The following CMTR1 variants were observed in gnomAD, a reference collection of about 807,000 sequenced individuals.
CMTR1 encodes the protein cap-specific mRNA (nucleoside-2'-O-)-methyltransferase 1.
Under a neutral mutation model 107.0 loss-of-function variants are expected in CMTR1, and 39 were observed. The ratio of observed to expected loss-of-function variants is 0.36; its 90% CI spans 0.28 to 0.48. CMTR1 has a LOEUF of 0.48. Ranked by LOEUF, CMTR1 falls within the 20% of genes least tolerant of loss-of-function variation. The probability of loss-of-function intolerance (pLI) is 0.99; values close to 1 mark genes in which losing one functional copy is unlikely to be tolerated. For synonymous variants in CMTR1, 366 were observed against 379.5 expected (o/e 0.96, Z 0.41); for missense variants, 672 against 1,064.9 (o/e 0.63, Z 5.14).
chr6:37,449,289 T>TTATGTTATGC (rs2113871009), intron 4 of CMTR1, among the ~76,000 whole-genome samples: 1 of 151,734 alleles, frequency 6.6e-6, no homozygotes, highest in African/African-American at 2.4e-5. Context: ...TTATGTTATG[T>TTATGTTATGC]TATGTTATGT....
At chr6:37,428,048 GA>G in the CMTR1 span, among the ~76,000 whole-genome samples, 8 of 133,276 alleles carry the variant, frequency 6.0e-5, no homozygotes, top group African/African-American at 1.8e-4. Flanking sequence ...GAGAGAGAGA[GA>G]GAGAGAGAGA....
At chr6:37,459,536 G>A in intron 9 of CMTR1, 30 bp from the exon 10 acceptor site, 1 of 1,584,724 alleles carries the variant, frequency 6.3e-7, no homozygotes, top group East Asian at 2.2e-5. Flanking sequence ...TAGGGCAGAT[G>A]AACTCACTAT....
intron 2 of CMTR1, among the ~76,000 whole-genome samples, chr6:37,443,615 C>G (rs944057418): frequency 7.9e-5 from 12 of 152,180 alleles, no homozygotes; most frequent in Admixed American, 1.3e-4. Context: ...TCAGCGTCCT[C>G]CTGGAGTACT....
At chr6:37,432,045 T>C (rs1771390842), upstream of CMTR1, among the ~76,000 whole-genome samples, 1 of 152,192 alleles carries the variant, frequency 6.6e-6, no homozygotes, top group Non-Finnish European at 1.5e-5. Context: ...CTCGAACTCC[T>C]GACCTCAGGT....
intron 4 of CMTR1, among the ~76,000 whole-genome samples, chr6:37,448,433 T>A (rs1771856737): frequency 6.6e-6 from 1 of 152,084 alleles, no homozygotes. Flanking sequence ...GGACATTGAG[T>A]CTGCTTTTTC....
In CMTR1 at chr6:37,458,094, G is replaced by A. The variant is rs1362961999; in HGVS notation, c.778-518G>A. Among the ~76,000 whole-genome samples, 7 of 151,856 alleles carry A rather than the reference G, an allele frequency of 4.6e-5. No homozygotes were observed. Among genetic ancestry groups the A allele is most frequent in the Non-Finnish European group, 7.4e-5 (5 of 67,974 alleles). On this transcript the variant is annotated intron_variant, in intron 8 of 23. Transcript: ENST00000373451. This position sits in a 1 kb window ranked among gnomAD's most constrained non-coding sequence, Gnocchi z 4.7. ...TGTTGAGACAGGGTCTCGGTCTGTCGCCCAGGCTCAAGTGCAGTGGCGCGA... is the reference window on the plus strand; with the variant it reads ...TGTTGAGACAGGGTCTCGGTCTGTCACCCAGGCTCAAGTGCAGTGGCGCGA...
chr6:37,445,174 G>T (rs984724805), intron 3 of CMTR1, among the ~76,000 whole-genome samples: 1 of 152,212 alleles, frequency 6.6e-6, no homozygotes, highest in Non-Finnish European at 1.5e-5. Context: ...AGATGGGAAG[G>T]CTTGTGACTC....
chr6:37,470,971 A>C (rs772455889), intron 13 of CMTR1, 50 bp from the exon 14 acceptor site: 2 of 1,490,950 alleles, frequency 1.3e-6, no homozygotes, highest in Non-Finnish European at 9.1e-7. Flanking sequence ...GATGTCAGTT[A>C]CCTGTCTTTT....
chr6:37,458,919 C>T lies in CMTR1; in HGVS notation c.976+109C>T. The T allele has an allele frequency of 1.0e-6, 1 of 995,406 alleles. No individual in the cohort carries two copies. The highest frequency in any genetic ancestry group is 1.5e-6 in the Non-Finnish European group (1 of 672,338). The allele number at this position is 995,406 out of a possible 1,614,324, so 61.7% of individuals were successfully genotyped here. Reference sequence around the variant, plus strand: ...ATGCCATATTTTCTTTCCTAGGTCTCTTACCCTGGGCTTCACAGTTCATGT... The same window carrying T: ...ATGCCATATTTTCTTTCCTAGGTCTTTTACCCTGGGCTTCACAGTTCATGT... On this transcript the variant is annotated intron_variant, in intron 9 of 23. Coordinates refer to ENST00000373451, the MANE Select transcript of CMTR1 (RefSeq NM_015050.3). This position sits in a 1 kb window ranked among gnomAD's most constrained non-coding sequence, Gnocchi z 4.7.
intron 1 of CMTR1, 30 bp from the exon 2 acceptor site, chr6:37,435,594 G>A (rs376681925): frequency 1.1e-5 from 18 of 1,587,482 alleles, no homozygotes; most frequent in Non-Finnish European, 1.5e-5. Context: ...TGACCCAAGG[G>A]CAGCTGACTG....
At chr6:37,462,211 C>A in intron 12 of CMTR1, 109 bp downstream of exon 12, 2 of 1,347,984 alleles carry the variant, frequency 1.5e-6, no homozygotes, top group Non-Finnish European at 2.1e-6. Flanking sequence ...AAAACCTTGA[C>A]TTTAAAGAAG....
intron 16 of CMTR1, among the ~76,000 whole-genome samples, chr6:37,473,202 T>C (rs1052141347): frequency 1.3e-5 from 2 of 152,224 alleles, no homozygotes; most frequent in Non-Finnish European, 2.9e-5. Context: ...CATTTTCTTA[T>C]AGGTCTGGTA....
At chr6:37,476,103 C>T in intron 19 of CMTR1, 23 bp from the exon 20 acceptor site, 1 of 1,613,652 alleles carries the variant, frequency 6.2e-7, no homozygotes, top group Non-Finnish European at 8.5e-7. Flanking sequence ...GCTTGCCTCT[C>T]AGAGAGACTG....
Position 37,458,547 on chromosome 6 carries a change from C to A in CMTR1, c.778-65C>A. ...GCTTATTTTACTCTCCCTGCATTCT[C>A]CTTCCTGTTGCCCATTGAGCTGTCT... On this transcript the variant is annotated intron_variant, in intron 8 of 23. Transcript: ENST00000373451. This position sits in a 1 kb window ranked among gnomAD's most constrained non-coding sequence, Gnocchi z 4.7. 1 of 1,513,738 alleles carries A rather than the reference C, an allele frequency of 6.6e-7. No homozygotes were observed. Among genetic ancestry groups the A allele is most frequent in the South Asian group, 1.2e-5 (1 of 85,274 alleles). The allele number at this position is 1,513,738 out of a possible 1,614,324, so 93.8% of individuals were successfully genotyped here.
chr6:37,475,421 T>C lies in CMTR1; in HGVS notation c.2036+9T>C. Reference sequence around the variant, plus strand: ...CAGCACTTTAACCAGCGGTCTGACCTGGGCCCCAGGGTAGGGAGGGTGGGG... The same window carrying C: ...CAGCACTTTAACCAGCGGTCTGACCCGGGCCCCAGGGTAGGGAGGGTGGGG... On this transcript the variant is annotated intron_variant, in intron 19 of 23. Transcript: ENST00000373451. The C allele has an allele frequency of 2.0e-6, 2 of 1,020,536 alleles. No individual in the cohort carries two copies. Among genetic ancestry groups the C allele is most frequent in the Non-Finnish European group, 2.9e-6 (2 of 683,634 alleles). The allele number at this position is 1,020,536 out of a possible 1,614,324, so 63.2% of individuals were successfully genotyped here.
At chr6:37,449,646 A>G (rs1341259135) in intron 4 of CMTR1, among the ~76,000 whole-genome samples, 1 of 152,162 alleles carries the variant, frequency 6.6e-6, no homozygotes, top group Non-Finnish European at 1.5e-5. Flanking sequence ...GATGATCCTA[A>G]TGCACCGTTT....
intron 18 of CMTR1, 115 bp from the exon 19 acceptor site, chr6:37,475,206 G>C: frequency 1.3e-6 from 1 of 796,648 alleles, no homozygotes; most frequent in South Asian, 1.5e-5. Flanking sequence ...CCTGCATTTA[G>C]AGCCCTACCC....
chr6:37,470,091 T>A (rs1761591176), intron 13 of CMTR1, among the ~76,000 whole-genome samples: 1 of 152,174 alleles, frequency 6.6e-6, no homozygotes, highest in Admixed American at 6.5e-5. Flanking sequence ...ATTTGCCTTT[T>A]AAAAATATAG....
chr6:37,450,032 C>G (rs1197155848), intron 4 of CMTR1, among the ~76,000 whole-genome samples: 1 of 152,138 alleles, frequency 6.6e-6, no homozygotes, highest in East Asian at 1.9e-4. Context: ...TGAGAAGTTT[C>G]TAAGGATTCT....
Sources: gnomAD v4.1 joint callset for allele counts (sites outside exome capture counted in the v4.1 genomes callset) on GRCh38, gnomAD v4.1.1 for gene constraint, Gnocchi (gnomAD v3.1) non-coding constraint, MANE v1.5 for transcripts, NCBI Gene and HGNC (gene_info 2026-07-23, HGNC 2026-07-21) for gene names.